The following PHACTR1 variants were observed in gnomAD, a reference collection of about 807,000 sequenced individuals.
PHACTR1 encodes the protein RPEL repeat containing 1.
A neutral mutation model predicts 69.2 loss-of-function variants in PHACTR1; 16 were observed. The ratio of observed to expected loss-of-function variants is 0.23; its 90% CI spans 0.16 to 0.35. The LOEUF (loss-of-function observed/expected upper bound fraction) is 0.35, where lower values mean the gene tolerates loss of function less well. Ranked by LOEUF, PHACTR1 falls within the 10% of genes least tolerant of loss-of-function variation. The pLI is 1.00. For synonymous variants in PHACTR1, 312 were observed against 284.5 expected, an observed-to-expected ratio of 1.10 and a Z score of -0.97; for missense variants, 510 against 734.7, an observed-to-expected ratio of 0.69 and a Z score of 3.54.
chr6:13,113,145 G>T (rs1035678262), intron 5 of PHACTR1, among the ~76,000 whole-genome samples: 1 of 152,100 alleles, frequency 6.6e-6, no homozygotes, highest in Non-Finnish European at 1.5e-5. Flanking sequence ...AGGGTGCAGT[G>T]AGCTATGATC....
chr6:13,283,266 C>A lies in PHACTR1; in HGVS notation c.1510-156C>A. ...GAGTCAGGAGACTTGGGTCCCCCCA[C>A]CCTGGCCCTCCCCCTGCCCCTGCCC... On this transcript the variant is annotated intron_variant, in intron 12 of 14. Transcript: ENST00000332995. This position sits in a 1 kb window ranked among gnomAD's most constrained non-coding sequence, Gnocchi z 4.7. 4 of 655,748 alleles carry A rather than the reference C, an allele frequency of 6.1e-6. No individual in the cohort carries two copies. The highest frequency in any genetic ancestry group is 3.2e-5 in the East Asian group (1 of 30,878). 40.6% of individuals were successfully genotyped at this position (655,748 alleles called of 1,614,324 possible). A position where few individuals can be genotyped will look rare whatever the true frequency, so the allele number is the denominator to read the frequency against.
rs1037779212 is a variant in PHACTR1 at position 13,246,764 on chromosome 6, A to G, written c.1391+16571A>G. Among the ~76,000 whole-genome samples, 4 of 152,226 alleles carry G rather than the reference A, an allele frequency of 2.6e-5. No individual in the cohort carries two copies. Among genetic ancestry groups the G allele is most frequent in the Non-Finnish European group, 4.4e-5 (3 of 68,038 alleles). ...ATTTAAAGAGCAGAACGAGATTACAACTGAGAAATTTGCAGTACAGTTGTT... is the reference window on the plus strand; with the variant it reads ...ATTTAAAGAGCAGAACGAGATTACAGCTGAGAAATTTGCAGTACAGTTGTT... On this transcript the variant is annotated intron_variant, in intron 10 of 14. Coordinates refer to ENST00000332995, the MANE Select transcript of PHACTR1 (RefSeq NM_030948.6). The surrounding 1 kb of genome is among the most constrained non-coding windows in gnomAD (Gnocchi z 4.2).
chr6:13,146,779 C>A (rs1182456089), intron 5 of PHACTR1, among the ~76,000 whole-genome samples: 2 of 152,206 alleles, frequency 1.3e-5, no homozygotes, highest in Admixed American at 6.5e-5. Context: ...CACCATTATA[C>A]TTCCTACATC....
intron 5 of PHACTR1, among the ~76,000 whole-genome samples, chr6:13,142,587 AG>A (rs1241871183): frequency 2.0e-5 from 3 of 152,172 alleles, no homozygotes; most frequent in African/African-American, 7.2e-5. Context: ...ATATAATGTA[AG>A]GTAGGGGTCC....
chr6:13,274,330 T>A (rs959921569), intron 11 of PHACTR1: 1 of 152,158 alleles, frequency 6.6e-6, no homozygotes, highest in African/African-American at 2.4e-5. Context: ...CCCTTTAAAG[T>A]TTCCAAGCTT....
chr6:12,815,709 C>A (rs1775501217), intron 4 of PHACTR1, among the ~76,000 whole-genome samples: 1 of 152,162 alleles, frequency 6.6e-6, no homozygotes, highest in Admixed American at 6.5e-5. Context: ...GATCTGTTTC[C>A]TTGTCTTCAG....
chr6:13,120,549 A>G (rs147395998), intron 5 of PHACTR1, among the ~76,000 whole-genome samples: 4 of 152,302 alleles, frequency 2.6e-5, no homozygotes, highest in African/African-American at 9.6e-5. Flanking sequence ...GTAGCAATTT[A>G]GAGGAGGCCG....
chr6:13,079,320 A>G (rs1811020619), intron 5 of PHACTR1, among the ~76,000 whole-genome samples: 1 of 152,180 alleles, frequency 6.6e-6, no homozygotes, highest in Non-Finnish European at 1.5e-5. Context: ...TTTATAATTC[A>G]GATCCAGCCC....
chr6:12,857,430 C>T (rs1467771736), intron 4 of PHACTR1, among the ~76,000 whole-genome samples: 1 of 152,014 alleles, frequency 6.6e-6, no homozygotes, highest in East Asian at 1.9e-4. Flanking sequence ...GCCAACATGG[C>T]TGTCTTTACT....
intron 5 of PHACTR1, among the ~76,000 whole-genome samples, chr6:13,089,142 C>T (rs1812793409): frequency 6.6e-6 from 1 of 152,190 alleles, no homozygotes; most frequent in South Asian, 2.1e-4. Context: ...CAAACACAGT[C>T]CCCTCCCCCT....
At chr6:13,063,011 T>C (rs1048461228) in intron 5 of PHACTR1, among the ~76,000 whole-genome samples, 1 of 152,228 alleles carries the variant, frequency 6.6e-6, no homozygotes, top group Non-Finnish European at 1.5e-5. Context: ...ACTTAAGTGC[T>C]CCCTTGGTGT....
chr6:12,850,384 G>C (rs559291249), intron 4 of PHACTR1, among the ~76,000 whole-genome samples: 3 of 152,334 alleles, frequency 2.0e-5, no homozygotes, highest in African/African-American at 7.2e-5. Flanking sequence ...CTTGCTCCAG[G>C]GAGCCACTGC....
chr6:13,046,673 T>C (rs1229543559), intron 4 of PHACTR1, among the ~76,000 whole-genome samples: 1 of 151,748 alleles, frequency 6.6e-6, no homozygotes, highest in Non-Finnish European at 1.5e-5. Flanking sequence ...GCTAAAAGAG[T>C]CTCTGTTGTC....
At chr6:12,960,076 T>G (rs1305660750) in intron 4 of PHACTR1, among the ~76,000 whole-genome samples, 4 of 152,228 alleles carry the variant, frequency 2.6e-5, no homozygotes, top group Admixed American at 1.3e-4. Flanking sequence ...TTCGGTTGAC[T>G]GAGGTTTGCA....
intron 4 of PHACTR1, among the ~76,000 whole-genome samples, chr6:12,994,324 T>C (rs988374854): frequency 2.0e-5 from 3 of 152,034 alleles, no homozygotes; most frequent in African/African-American, 4.8e-5. Flanking sequence ...GTGGGATTTT[T>C]CCCCCCCTTG....
intron 4 of PHACTR1, among the ~76,000 whole-genome samples, chr6:12,895,963 A>C (rs1477321807): frequency 6.6e-6 from 1 of 152,228 alleles, no homozygotes; most frequent in Non-Finnish European, 1.5e-5. Flanking sequence ...TTCCTAGTGA[A>C]GAAGCCCTCT....
At chr6:12,767,418 CAT>C (rs1187249547) in intron 4 of PHACTR1, among the ~76,000 whole-genome samples, 2 of 152,192 alleles carry the variant, frequency 1.3e-5, no homozygotes, top group Admixed American at 6.5e-5. Context: ...CTGCAAGACA[CAT>C]GTGTTTTTTA....
intron 4 of PHACTR1, among the ~76,000 whole-genome samples, chr6:12,824,343 A>G (rs986282035): frequency 9.9e-5 from 15 of 152,208 alleles, no homozygotes; most frequent in African/African-American, 3.4e-4. Context: ...ATATATTACA[A>G]TATAACAATA....
At chr6:13,059,946 G>A (rs540531550) in intron 5 of PHACTR1, among the ~76,000 whole-genome samples, 7 of 152,094 alleles carry the variant, frequency 4.6e-5, no homozygotes, top group Non-Finnish European at 1.0e-4. Flanking sequence ...TAGGAAACAA[G>A]AACAAAATGG....
Sources: gnomAD v4.1 joint callset for allele counts (sites outside exome capture counted in the v4.1 genomes callset) on GRCh38, gnomAD v4.1.1 for gene constraint, Gnocchi (gnomAD v3.1) non-coding constraint, MANE v1.5 for transcripts, NCBI Gene and HGNC (gene_info 2026-07-23, HGNC 2026-07-21) for gene names.